The following DCBLD1 variants were observed in gnomAD, a reference collection of about 807,000 sequenced individuals.
DCBLD1 encodes the protein discoidin, CUB and LCCL domain containing 1.
In DCBLD1, 57 loss-of-function variants were observed where a neutral mutation model predicts 71.5. The observed-to-expected ratio is 0.80, with a 90% CI of 0.64 to 0.99. The LOEUF is 0.99. Ranked by LOEUF, DCBLD1 falls within the 50% of genes least tolerant of loss-of-function variation. The pLI, the probability that DCBLD1 is intolerant of heterozygous loss-of-function variation, is 0.00. For missense variants in DCBLD1, 891 were observed against 923.5 expected, an observed-to-expected ratio of 0.96 and a Z score of 0.46; for synonymous variants, 380 against 363.8, an observed-to-expected ratio of 1.04 and a Z score of -0.51.
At chr6:117,498,926 G>C (rs1777557272) in intron 1 of DCBLD1, among the ~76,000 whole-genome samples, 1 of 152,020 alleles carries the variant, frequency 6.6e-6, no homozygotes, top group Non-Finnish European at 1.5e-5. Context: ...ATTTTATAAG[G>C]TTGGTTTTTC....
At chr6:117,554,965 C>T (rs1779478502) in intron 14 of DCBLD1, among the ~76,000 whole-genome samples, 6 of 151,536 alleles carry the variant, frequency 4.0e-5, no homozygotes, top group Admixed American at 3.9e-4. Context: ...ATATTATTAG[C>T]TTGACAGAAA....
At chr6:117,488,850 G>T (rs1010807728) in intron 1 of DCBLD1, among the ~76,000 whole-genome samples, 1 of 152,110 alleles carries the variant, frequency 6.6e-6, no homozygotes, top group Non-Finnish European at 1.5e-5. Flanking sequence ...ACATCATTTG[G>T]GGACAGTGTC....
intron 14 of DCBLD1, among the ~76,000 whole-genome samples, chr6:117,559,266 A>G (rs961227091): frequency 1.3e-5 from 2 of 152,210 alleles, no homozygotes; most frequent in African/African-American, 4.8e-5. Flanking sequence ...GTGAGGAAAA[A>G]TAGGTAGGAA....
chr6:117,482,936 A>AG, intron 1 of DCBLD1, 43 bp downstream of exon 1: 2 of 1,154,668 alleles, frequency 1.7e-6, no homozygotes, highest in Admixed American at 4.7e-5. Flanking sequence ...CCGAGGCGCC[A>AG]GGGGCGGGCT....
rs1198653856 is a variant in DCBLD1 at position 117,548,068 on chromosome 6, C to T, written c.1777C>T (p.Leu593=). 6.5e-7 allele frequency: 1 copy of T among 1,548,880 alleles called. No individual in the cohort carries two copies. Among genetic ancestry groups the T allele is most frequent in the Non-Finnish European group, 8.7e-7 (1 of 1,145,980 alleles). ...RAGRHEYALP[L]APPEPEYATP... ...CGGCCGCCACGAGTACGCGCTGCCC[C>T]TGGCGCCCCCGGAGCCCGAGTACGC... Residue 593 remains leucine (L), a synonymous_variant, in exon 15 of 15, where the codon CTG becomes TTG. Coordinates refer to ENST00000338728, the MANE Select transcript of DCBLD1 (RefSeq NM_001366458.2).
chr6:117,497,306 A>G (rs1413183595), intron 1 of DCBLD1, among the ~76,000 whole-genome samples: 1 of 152,260 alleles, frequency 6.6e-6, no homozygotes, highest in African/African-American at 2.4e-5. Flanking sequence ...CATACTTTCT[A>G]GTATTGCAGA....
At chr6:117,556,089 C>T (rs1197820893) in intron 14 of DCBLD1, among the ~76,000 whole-genome samples, 5 of 152,184 alleles carry the variant, frequency 3.3e-5, no homozygotes, top group East Asian at 3.8e-4. Flanking sequence ...GAATCTGCTG[C>T]CCCCTGCTGG....
chr6:117,553,783 G>A (rs1779460950), downstream of DCBLD1, among the ~76,000 whole-genome samples: 1 of 151,756 alleles, frequency 6.6e-6, no homozygotes, highest in South Asian at 2.1e-4. Flanking sequence ...TTTTTTTGTT[G>A]TTGCTGCCAT....
In DCBLD1 at chr6:117,566,401, C is replaced by G. The variant is rs557139554; in HGVS notation, c.1616-3219C>G. 6.6e-5 allele frequency among the ~76,000 whole-genome samples: 10 copies of G among 152,122 alleles called. No individual in the cohort carries two copies. The South Asian group carries it at 2.1e-3, about 32-fold the overall frequency. ...CTAAATGATAGCAAAGGAACTAAACCAAACATCCCCAAGATAATATAAGTT... is the reference window on the plus strand; with the variant it reads ...CTAAATGATAGCAAAGGAACTAAACGAAACATCCCCAAGATAATATAAGTT... On this transcript the variant is annotated intron_variant, in intron 14 of 14. Coordinates refer to the DCBLD1 transcript ENST00000296955.
intron 5 of DCBLD1, among the ~76,000 whole-genome samples, chr6:117,531,791 G>C (rs1308833628): frequency 6.6e-6 from 1 of 152,204 alleles, no homozygotes; most frequent in Non-Finnish European, 1.5e-5. Context: ...ATGATAACTT[G>C]GCATGTGTGT....
At position 117,525,375 on chromosome 6, in the gene DCBLD1, G is replaced by A. The variant is rs749811592; in HGVS notation, c.526G>A (p.Ala176Thr). ...TTCTTTTTCCAGCAAATTCTGCCCAGCTGGTTGTAGAGACGTAGCAGGAGA... is the reference window on the plus strand; with the variant it reads ...TTCTTTTTCCAGCAAATTCTGCCCAACTGGTTGTAGAGACGTAGCAGGAGA... ...LKTEYSKFCPAGCRDVAGDIS... is the reference protein window; with the variant it reads ...LKTEYSKFCPTGCRDVAGDIS... Residue 176 changes from alanine to threonine, a missense_variant, in exon 5 of 15, where the codon GCT (alanine) becomes ACT (threonine). Coordinates refer to ENST00000338728, the MANE Select transcript of DCBLD1 (RefSeq NM_001366458.2). 6.8e-7 allele frequency: 1 copy of A among 1,478,312 alleles called. No individual in the cohort carries two copies. Among genetic ancestry groups the A allele is most frequent in the Admixed American group, 2.1e-5 (1 of 46,538 alleles). The allele number at this position is 1,478,312 out of a possible 1,614,324, so 91.6% of individuals were successfully genotyped here.
intron 4 of DCBLD1, among the ~76,000 whole-genome samples, chr6:117,524,990 A>G (rs1778502233): frequency 6.6e-6 from 1 of 152,162 alleles, no homozygotes; most frequent in Non-Finnish European, 1.5e-5. Context: ...TATCCATAGA[A>G]AACAAAATTG....
chr6:117,525,731 T>C (rs1377926422), intron 5 of DCBLD1, among the ~76,000 whole-genome samples: 1 of 152,224 alleles, frequency 6.6e-6, no homozygotes. Context: ...TTTGTTATGG[T>C]TTATTTCTTT....
chr6:117,489,764 G>A (rs963689874), intron 1 of DCBLD1, among the ~76,000 whole-genome samples: 15 of 152,028 alleles, frequency 9.9e-5, no homozygotes, highest in South Asian at 2.1e-4. Context: ...GGGTGCCTGT[G>A]GTCCCAGCTA....
chr6:117,521,598 G>A (rs778772134), intron 4 of DCBLD1, 22 bp downstream of exon 4: 1 of 968,944 alleles, frequency 1.0e-6, no homozygotes, highest in Non-Finnish European at 1.4e-6. Context: ...TATCCTAACT[G>A]TGTTGCAGTC....
At chr6:117,503,740 T>C (rs1019753359) in intron 1 of DCBLD1, 27 bp from the exon 2 acceptor site, 1 of 1,611,212 alleles carries the variant, frequency 6.2e-7, no homozygotes. Flanking sequence ...CTTCTTCTTT[T>C]ATTCCCCCCT....
intron 5 of DCBLD1, among the ~76,000 whole-genome samples, chr6:117,528,884 A>G (rs1344130715): frequency 1.3e-5 from 2 of 152,182 alleles, no homozygotes; most frequent in Non-Finnish European, 2.9e-5. Flanking sequence ...TCTGTCACCC[A>G]GGCTGGAGTG....
chr6:117,522,539 T>C (rs1389448522), intron 4 of DCBLD1, among the ~76,000 whole-genome samples: 1 of 152,060 alleles, frequency 6.6e-6, no homozygotes, highest in Non-Finnish European at 1.5e-5. Flanking sequence ...ACTCCAGGGC[T>C]CAAAGTATGC....
At chr6:117,537,402 G>A (rs529061959) in intron 7 of DCBLD1, among the ~76,000 whole-genome samples, 177 bp downstream of exon 7, 1 of 151,702 alleles carries the variant, frequency 6.6e-6, no homozygotes, top group East Asian at 1.9e-4. Flanking sequence ...GGCCTGGTGG[G>A]GGGCGCCTGT....
Sources: allele counts gnomAD v4.1 joint callset (sites outside exome capture counted in the v4.1 genomes callset), GRCh38; gene constraint gnomAD v4.1.1; transcripts MANE v1.5; gene names NCBI Gene and HGNC (gene_info 2026-07-23, HGNC 2026-07-21).